Variants in CNTNAP5 observed in about 807,000 individuals in gnomAD.
CNTNAP5 encodes contactin associated protein family member 5.
In CNTNAP5, 72 loss-of-function variants were observed where a neutral mutation model predicts 150.2. The observed-to-expected ratio is 0.48, with a 90% CI of 0.40 to 0.58. The LOEUF is 0.58. CNTNAP5 is among the 20% of genes least tolerant of loss of function. The probability of loss-of-function intolerance (pLI) is 0.00; values close to 1 mark genes in which losing one functional copy is unlikely to be tolerated. For synonymous variants in CNTNAP5, 672 were observed against 619.8 expected (o/e 1.08, Z -1.25); for missense variants, 1,636 against 1,626.2 (o/e 1.01, Z -0.10).
intron 11 of CNTNAP5, among the ~76,000 whole-genome samples, chr2:124,565,916 T>C (rs932067071): frequency 2.6e-5 from 4 of 151,294 alleles, no homozygotes; most frequent in Middle Eastern, 3.3e-3. Context: ...AGTTCTTCTA[T>C]GTGAATACGT....
chr2:124,499,017 C>T (rs1446586519), intron 7 of CNTNAP5, among the ~76,000 whole-genome samples: 2 of 152,148 alleles, frequency 1.3e-5, no homozygotes, highest in African/African-American at 4.8e-5. Flanking sequence ...AGCATCAGAT[C>T]TGGGAAAAGG....
At chr2:124,077,326 C>T (rs17010824) in intron 1 of CNTNAP5, among the ~76,000 whole-genome samples, 1 of 151,872 alleles carries the variant, frequency 6.6e-6, no homozygotes, top group African/African-American at 2.4e-5. Flanking sequence ...GTATTGTAAG[C>T]CTTATTTGAG....
chr2:124,157,658 A>G (rs1684577761), intron 1 of CNTNAP5, among the ~76,000 whole-genome samples: 1 of 152,194 alleles, frequency 6.6e-6, no homozygotes. Flanking sequence ...TAAGTTATGT[A>G]ACTTCTTTGT....
chr2:124,698,186 G>T (rs1440507074), intron 13 of CNTNAP5, among the ~76,000 whole-genome samples: 1 of 152,180 alleles, frequency 6.6e-6, no homozygotes, highest in African/African-American at 2.4e-5. Context: ...TGGGTTTGAG[G>T]TGGACTAGAC....
chr2:124,867,867 C>T (rs7425138), intron 20 of CNTNAP5, among the ~76,000 whole-genome samples: 10,249 of 152,204 alleles, frequency 0.067, 1,095 homozygotes, highest in African/African-American at 0.23. Flanking sequence ...ATCCGTTAGG[C>T]ATTGGAATAT....
At chr2:124,149,167 C>T (rs2104630486) in intron 1 of CNTNAP5, among the ~76,000 whole-genome samples, 1 of 152,084 alleles carries the variant, frequency 6.6e-6, no homozygotes, top group African/African-American at 2.4e-5. Context: ...TCCAACCATC[C>T]AGATCTGCTC....
At chr2:124,706,682 G>T (rs937548747) in intron 13 of CNTNAP5, among the ~76,000 whole-genome samples, 1 of 151,256 alleles carries the variant, frequency 6.6e-6, no homozygotes, top group African/African-American at 2.4e-5. Flanking sequence ...GGGAGGTGGA[G>T]GTTGCAGTGA....
chr2:124,034,828 T>C (rs1215888699), intron 1 of CNTNAP5, among the ~76,000 whole-genome samples: 1 of 152,206 alleles, frequency 6.6e-6, no homozygotes, highest in Non-Finnish European at 1.5e-5. Flanking sequence ...CAGATGGACC[T>C]AGAATTGGAA....
chr2:124,403,832 T>C (rs554295004), intron 3 of CNTNAP5, among the ~76,000 whole-genome samples: 12 of 152,300 alleles, frequency 7.9e-5, no homozygotes, highest in African/African-American at 2.4e-4. Flanking sequence ...CTCACAATTA[T>C]GGAAGAAGGC....
intron 19 of CNTNAP5, among the ~76,000 whole-genome samples, chr2:124,810,438 A>G (rs943016606): frequency 6.6e-6 from 1 of 152,106 alleles, no homozygotes; most frequent in African/African-American, 2.4e-5. Flanking sequence ...GATACAGTGG[A>G]GGGCAGGGGG....
At chr2:124,661,186 T>G (rs2105045156) in intron 13 of CNTNAP5, among the ~76,000 whole-genome samples, 1 of 152,248 alleles carries the variant, frequency 6.6e-6, no homozygotes, top group East Asian at 1.9e-4. Context: ...TAACATTAAT[T>G]TACTGAAACT....
chr2:124,903,945 T>C (rs1678472037), intron 22 of CNTNAP5, among the ~76,000 whole-genome samples: 1 of 148,550 alleles, frequency 6.7e-6, no homozygotes, highest in African/African-American at 2.5e-5. Context: ...TTCCAGCTAC[T>C]TGGGAGGCTG....
chr2:124,103,306 A>C (rs1683105116), intron 1 of CNTNAP5, among the ~76,000 whole-genome samples: 1 of 152,128 alleles, frequency 6.6e-6, no homozygotes, highest in African/African-American at 2.4e-5. Context: ...TGTTATAGTA[A>C]GCTGCAGTTA....
chr2:124,732,576 T>C (rs1420180921), intron 13 of CNTNAP5, among the ~76,000 whole-genome samples: 1 of 152,108 alleles, frequency 6.6e-6, no homozygotes, highest in African/African-American at 2.4e-5. Context: ...ACATGGGAAT[T>C]GCCTTCATTT....
intron 13 of CNTNAP5, among the ~76,000 whole-genome samples, chr2:124,741,306 T>C (rs1293901310): frequency 6.6e-6 from 1 of 152,198 alleles, no homozygotes; most frequent in Admixed American, 6.6e-5. Flanking sequence ...TTGCTTGGAC[T>C]GTTCATAGCA....
At chr2:124,172,866 T>G (rs993528364) in intron 1 of CNTNAP5, among the ~76,000 whole-genome samples, 1 of 152,294 alleles carries the variant, frequency 6.6e-6, no homozygotes, top group Admixed American at 6.5e-5. Flanking sequence ...CCTCACTTTT[T>G]TGCACTCTGC....
intron 1 of CNTNAP5, among the ~76,000 whole-genome samples, chr2:124,157,563 G>A (rs1478444403): frequency 2.6e-5 from 4 of 151,948 alleles, no homozygotes; most frequent in Non-Finnish European, 5.9e-5. Context: ...GTTAAAATTT[G>A]AATATAATAA....
At chr2:124,882,579 C>T (rs1281094759) in intron 21 of CNTNAP5, among the ~76,000 whole-genome samples, 2 of 152,090 alleles carry the variant, frequency 1.3e-5, no homozygotes, top group Admixed American at 1.3e-4. Context: ...TGAAGGATGA[C>T]ACACTCTGTC....
chr2:124,518,857 C>T (rs891667643), intron 8 of CNTNAP5, among the ~76,000 whole-genome samples: 5 of 151,464 alleles, frequency 3.3e-5, no homozygotes, highest in Non-Finnish European at 7.4e-5. Context: ...GGCGTGGTGG[C>T]GGGTGCCTGT....
Sources: allele counts gnomAD v4.1 joint callset (sites outside exome capture counted in the v4.1 genomes callset), GRCh38; gene constraint gnomAD v4.1.1; transcripts MANE v1.5; gene names NCBI Gene and HGNC (gene_info 2026-07-23, HGNC 2026-07-21).